Variants in SHC3 observed in about 807,000 individuals in gnomAD.
SHC3 encodes SHC adaptor protein 3, also known as SHC-transforming protein 3.
Under a neutral mutation model 60.4 loss-of-function variants are expected in SHC3, and 15 were observed. The observed-to-expected ratio is 0.25, with a 90% CI of 0.17 to 0.38. SHC3 has a LOEUF of 0.38. SHC3 is among the 10% of genes least tolerant of loss of function. The pLI is 1.00. For missense variants in SHC3, 677 were observed against 786.1 expected (o/e 0.86, Z 1.66); for synonymous variants, 294 against 325.9 (o/e 0.90, Z 1.05).
intron 1 of SHC3, among the ~76,000 whole-genome samples, chr9:89,175,032 A>C (rs1290211482): frequency 6.6e-6 from 1 of 152,274 alleles, no homozygotes; most frequent in Non-Finnish European, 1.5e-5. Context: ...CAGCACCGTA[A>C]TCAATACTCA....
At chr9:89,132,060 G>T (rs1482051199) in intron 1 of SHC3, among the ~76,000 whole-genome samples, 1 of 152,172 alleles carries the variant, frequency 6.6e-6, no homozygotes, top group Non-Finnish European at 1.5e-5. Flanking sequence ...CTTCAGCAAA[G>T]TCTCAGGATA....
intron 10 of SHC3, among the ~76,000 whole-genome samples, chr9:89,040,338 C>T (rs1455481396): frequency 6.7e-6 from 1 of 149,668 alleles, no homozygotes; most frequent in African/African-American, 2.5e-5. Context: ...AAATAAAGAA[C>T]ACAGAGTGCT....
At chr9:89,177,739 AGGGAAAACC>A (rs1429888726) in intron 1 of SHC3, among the ~76,000 whole-genome samples, 1 of 152,242 alleles carries the variant, frequency 6.6e-6, no homozygotes, top group African/African-American at 2.4e-5. Flanking sequence ...AGTGGAGCCT[AGGGAAAACC>A]GGGACGGAGC....
chr9:89,045,688 C>A, intron 9 of SHC3, 58 bp downstream of exon 9: 2 of 1,504,548 alleles, frequency 1.3e-6, no homozygotes, highest in Non-Finnish European at 1.8e-6. Flanking sequence ...CAGTGGTGAG[C>A]ATGTTACTTT....
At chr9:89,080,721 G>C (rs1825430266) in intron 2 of SHC3, among the ~76,000 whole-genome samples, 1 of 140,180 alleles carries the variant, frequency 7.1e-6, no homozygotes, top group Admixed American at 7.3e-5. Context: ...AGTAGTAAAA[G>C]AAAACTAGGA....
chr9:89,127,891 T>G (rs1046102072), intron 1 of SHC3, among the ~76,000 whole-genome samples: 7 of 152,058 alleles, frequency 4.6e-5, no homozygotes, highest in African/African-American at 1.7e-4. Context: ...GAGATCTGTT[T>G]TACCTTCCAG....
At position 89,006,930 on chromosome 9, in the gene SHC3, G is replaced by A. The variant is rs1290426913; in HGVS notation, c.*6517C>T. 6.6e-6 allele frequency: 1 copy of A among 152,220 alleles called. No individual in the cohort carries two copies. The highest frequency in any genetic ancestry group is 1.5e-5 in the Non-Finnish European group (1 of 68,034). The allele number at this position is 152,220 out of a possible 1,614,324, so 9.4% of individuals were successfully genotyped here. ...GGTTATGGTAAAAATGATCACATGAGTGGGAATTCATTACCTCAAAGCTCA... is the reference window on the plus strand; with the variant it reads ...GGTTATGGTAAAAATGATCACATGAATGGGAATTCATTACCTCAAAGCTCA... On this transcript the variant is annotated 3_prime_UTR_variant, in exon 12 of 12. Coordinates refer to ENST00000375835, the MANE Select transcript of SHC3 (RefSeq NM_016848.6).
At chr9:89,139,359 A>G (rs1157789593) in intron 1 of SHC3, among the ~76,000 whole-genome samples, 7 of 152,240 alleles carry the variant, frequency 4.6e-5, no homozygotes, top group African/African-American at 1.7e-4. Flanking sequence ...TACTAAGGAC[A>G]AATCATGGTA....
chr9:89,098,308 A>G (rs1825734332), intron 2 of SHC3, among the ~76,000 whole-genome samples: 1 of 152,248 alleles, frequency 6.6e-6, no homozygotes, highest in Admixed American at 6.5e-5. Flanking sequence ...GGGAAAAAAA[A>G]CCATCAATGA....
At chr9:89,112,434 C>T in intron 2 of SHC3, 122 bp downstream of exon 2, 1 of 991,704 alleles carries the variant, frequency 1.0e-6, no homozygotes, top group South Asian at 1.4e-5. Context: ...TACTGACTCA[C>T]TGTCACCAGC....
At chr9:89,041,825 C>T (rs552381839) in intron 10 of SHC3, among the ~76,000 whole-genome samples, 5 of 152,326 alleles carry the variant, frequency 3.3e-5, no homozygotes, top group African/African-American at 9.6e-5. Context: ...GGGGAAATTG[C>T]TCTGTCTCTT....
chr9:89,024,361 T>C (rs549191986), intron 11 of SHC3, among the ~76,000 whole-genome samples: 3 of 152,342 alleles, frequency 2.0e-5, no homozygotes, highest in Admixed American at 2.0e-4. Context: ...CACTACAGCC[T>C]CAAACCCCTG....
At chr9:89,176,384 G>A (rs1055758419) in intron 1 of SHC3, among the ~76,000 whole-genome samples, 5 of 152,200 alleles carry the variant, frequency 3.3e-5, no homozygotes, top group African/African-American at 1.2e-4. Flanking sequence ...TCTAAGCAAA[G>A]TGATTAAAAC....
intron 1 of SHC3, among the ~76,000 whole-genome samples, chr9:89,161,489 A>C (rs917788084): frequency 6.6e-6 from 1 of 152,210 alleles, no homozygotes; most frequent in African/African-American, 2.4e-5. Flanking sequence ...TCTTCACAGC[A>C]ATGCGAGAAT....
chr9:89,053,433 G>A (rs879433724), intron 6 of SHC3, among the ~76,000 whole-genome samples: 3 of 152,158 alleles, frequency 2.0e-5, no homozygotes, highest in Non-Finnish European at 4.4e-5. Flanking sequence ...AGACAGACAC[G>A]GATGCCTCTG....
intron 11 of SHC3, among the ~76,000 whole-genome samples, chr9:89,030,046 G>A (rs1458696706): frequency 6.6e-6 from 1 of 151,942 alleles, no homozygotes; most frequent in East Asian, 1.9e-4. Flanking sequence ...CTCATATATA[G>A]CAACCATGAG....
intron 2 of SHC3, among the ~76,000 whole-genome samples, chr9:89,080,431 A>G (rs535249471): frequency 2.6e-5 from 4 of 152,262 alleles, no homozygotes; most frequent in African/African-American, 4.8e-5. Flanking sequence ...TGATTTCACC[A>G]TCTTCCCTTC....
intron 6 of SHC3, among the ~76,000 whole-genome samples, chr9:89,059,347 GGTGGAGGATGTA>G (rs1208896438): frequency 0.073 from 10,261 of 140,006 alleles, 1,625 homozygotes; most frequent in African/African-American, 0.29. Flanking sequence ...GGAGGACGGT[GGTGGAGGATGTA>G]GTGGAGGATG....
intron 11 of SHC3, among the ~76,000 whole-genome samples, chr9:89,021,997 T>C (rs940404158): frequency 6.6e-6 from 1 of 152,138 alleles, no homozygotes; most frequent in Non-Finnish European, 1.5e-5. Context: ...CAGAGGTGAC[T>C]GAATGGGCTG....
Sources: gnomAD v4.1 joint callset for allele counts (sites outside exome capture counted in the v4.1 genomes callset) on GRCh38, gnomAD v4.1.1 for gene constraint, MANE v1.5 for transcripts, NCBI Gene and HGNC (gene_info 2026-07-23, HGNC 2026-07-21) for gene names.